The following TOX3 variants were observed in gnomAD, a reference collection of about 807,000 sequenced individuals.
The protein encoded by TOX3 is TOX high mobility group box family member 3.
TOX3 carries 22 observed loss-of-function variants against 64.3 expected under a neutral mutation model. The ratio of observed to expected loss-of-function variants is 0.34; its 90% CI spans 0.24 to 0.49. The LOEUF (loss-of-function observed/expected upper bound fraction) is 0.49, where lower values mean the gene tolerates loss of function less well. Among genes scored for constraint, TOX3 ranks in the 20% least tolerant of loss-of-function variants. TOX3 has a pLI of 0.99. For synonymous variants in TOX3, 291 were observed against 273.6 expected, an observed-to-expected ratio of 1.06 and a Z score of -0.63; for missense variants, 661 against 714.4, an observed-to-expected ratio of 0.93 and a Z score of 0.85.
intron 1 of TOX3, among the ~76,000 whole-genome samples, 177 bp downstream of exon 1, chr16:52,546,460 G>T (rs945937481): frequency 6.6e-6 from 1 of 152,140 alleles, no homozygotes; most frequent in Non-Finnish European, 1.5e-5. Flanking sequence ...AAGCGGCGTG[G>T]GATGGGGCAG....
intron 1 of TOX3, among the ~76,000 whole-genome samples, chr16:52,478,503 T>C (rs2151447080): frequency 6.6e-6 from 1 of 152,340 alleles, no homozygotes; most frequent in East Asian, 1.9e-4. Context: ...AGATACAAAG[T>C]CACTCATCAC....
intron 6 of TOX3, among the ~76,000 whole-genome samples, chr16:52,443,001 C>T (rs1006348665): frequency 6.6e-6 from 1 of 152,254 alleles, no homozygotes; most frequent in South Asian, 2.1e-4. Context: ...CCCTGAATGC[C>T]TTTTGAGATA....
intron 2 of TOX3, among the ~76,000 whole-genome samples, chr16:52,468,054 T>C (rs1960921141): frequency 6.6e-6 from 1 of 152,198 alleles, no homozygotes; most frequent in Admixed American, 6.5e-5. Context: ...CCCAGGAAAC[T>C]ATAATACTCT....
chr16:52,468,596 T>A, intron 1 of TOX3, 22 bp from the exon 2 acceptor site: 6 of 1,565,826 alleles, frequency 3.8e-6, no homozygotes, highest in Non-Finnish European at 5.3e-6. Flanking sequence ...CAGATTGTTT[T>A]ACGTTAATAT....
At chr16:52,546,447 A>T (rs1963189021) in intron 1 of TOX3, among the ~76,000 whole-genome samples, 190 bp downstream of exon 1, 1 of 152,166 alleles carries the variant, frequency 6.6e-6, no homozygotes, top group African/African-American at 2.4e-5. Flanking sequence ...GCTGGGGGAC[A>T]AAAAGCGGCG....
intron 1 of TOX3, among the ~76,000 whole-genome samples, chr16:52,526,911 T>A (rs1364804808): frequency 6.6e-6 from 1 of 152,232 alleles, no homozygotes; most frequent in Non-Finnish European, 1.5e-5. Context: ...ACATTAAATG[T>A]TAGCATAAAA....
At chr16:52,519,453 T>C (rs369562273) in intron 1 of TOX3, 35 of 1,551,510 alleles carry the variant, frequency 2.3e-5, no homozygotes, top group Non-Finnish European at 3.0e-5. Flanking sequence ...TCAATGCGCC[T>C]GGCTCCCGAG....
intron 1 of TOX3, among the ~76,000 whole-genome samples, chr16:52,482,568 AC>A (rs1399559914): frequency 6.6e-6 from 1 of 152,188 alleles, no homozygotes; most frequent in Admixed American, 6.5e-5. Context: ...AGCTAAAGAC[AC>A]TACATATACT....
At chr16:52,534,178 G>C (rs1962904185) in intron 1 of TOX3, among the ~76,000 whole-genome samples, 1 of 152,168 alleles carries the variant, frequency 6.6e-6, no homozygotes, top group Non-Finnish European at 1.5e-5. Context: ...GGACAGTCAG[G>C]CAGCATTAAT....
intron 1 of TOX3, among the ~76,000 whole-genome samples, chr16:52,506,764 A>G (rs559272640): frequency 5.1e-4 from 77 of 152,308 alleles, no homozygotes; most frequent in Non-Finnish European, 9.8e-4. Flanking sequence ...TACATTAAAG[A>G]TTTAAAAACA....
intron 1 of TOX3, among the ~76,000 whole-genome samples, chr16:52,509,575 A>T (rs190744946): frequency 2.6e-5 from 4 of 152,310 alleles, no homozygotes; most frequent in Admixed American, 2.6e-4. Flanking sequence ...GCTTTTCTCT[A>T]TCCACGTTCT....
chr16:52,538,363 AT>A (rs1317713241), intron 1 of TOX3, among the ~76,000 whole-genome samples: 1 of 152,158 alleles, frequency 6.6e-6, no homozygotes, highest in Non-Finnish European at 1.5e-5. Context: ...AAACTGTAGA[AT>A]TTTTATTATT....
chr16:52,470,830 A>G (rs1294299876), intron 1 of TOX3, among the ~76,000 whole-genome samples: 1 of 152,212 alleles, frequency 6.6e-6, no homozygotes, highest in Non-Finnish European at 1.5e-5. Flanking sequence ...CACTCCTTGC[A>G]TATCTTTTGT....
intron 1 of TOX3, among the ~76,000 whole-genome samples, chr16:52,533,600 G>A (rs1054455372): frequency 2.0e-5 from 3 of 152,002 alleles, no homozygotes; most frequent in African/African-American, 4.8e-5. Context: ...TTTATTTTTA[G>A]GATTTTCTTT....
intron 1 of TOX3, among the ~76,000 whole-genome samples, chr16:52,481,772 T>C (rs778742851): frequency 2.0e-5 from 3 of 152,204 alleles, no homozygotes; most frequent in Non-Finnish European, 2.9e-5. Flanking sequence ...TTACATACAT[T>C]TTTCTGTGAT....
chr16:52,502,811 A>G (rs1962038941), intron 1 of TOX3, among the ~76,000 whole-genome samples: 1 of 152,234 alleles, frequency 6.6e-6, no homozygotes, highest in Admixed American at 6.5e-5. Context: ...TAAGTATAGC[A>G]TTGGTTTGCT....
chr16:52,539,282 C>T (rs560367477), intron 1 of TOX3, among the ~76,000 whole-genome samples: 4 of 152,310 alleles, frequency 2.6e-5, no homozygotes, highest in African/African-American at 7.2e-5. Context: ...CATGCATACA[C>T]ACACATAAAC....
chr16:52,531,813 A>G (rs1465441457), intron 1 of TOX3, among the ~76,000 whole-genome samples: 1 of 152,184 alleles, frequency 6.6e-6, no homozygotes, highest in Non-Finnish European at 1.5e-5. Flanking sequence ...GAAGGTGAGA[A>G]AAGATGACAA....
At chr16:52,455,192 C>T (rs1371781779) in intron 3 of TOX3, among the ~76,000 whole-genome samples, 1 of 152,018 alleles carries the variant, frequency 6.6e-6, no homozygotes, top group Non-Finnish European at 1.5e-5. Flanking sequence ...TTGGGAAAAA[C>T]TCATTCTCTC....
Sources: allele counts gnomAD v4.1 joint callset (sites outside exome capture counted in the v4.1 genomes callset), GRCh38; gene constraint gnomAD v4.1.1; transcripts MANE v1.5; gene names NCBI Gene and HGNC (gene_info 2026-07-23, HGNC 2026-07-21).